HMBOX1: variants seen among roughly 807,000 people sequenced by gnomAD.
The protein encoded by HMBOX1 is homeobox containing 1, also known as homeobox-containing protein 1.
HMBOX1 carries 14 observed loss-of-function variants against 54.5 expected under a neutral mutation model. The observed-to-expected ratio is 0.26, with a 90% confidence interval of 0.17 to 0.40. The LOEUF is 0.40. Among genes scored for constraint, HMBOX1 ranks in the 10% least tolerant of loss-of-function variants. HMBOX1 has a pLI of 1.00. For missense variants in HMBOX1, 332 were observed against 514.4 expected, an observed-to-expected ratio of 0.65 and a Z score of 3.43; for synonymous variants, 160 against 181.0, an observed-to-expected ratio of 0.88 and a Z score of 0.93.
chr8:28,929,686 C>G (rs1272482528), intron 1 of HMBOX1, among the ~76,000 whole-genome samples: 3 of 152,042 alleles, frequency 2.0e-5, no homozygotes, highest in Non-Finnish European at 4.4e-5. Flanking sequence ...TCCCTTTGGA[C>G]CTGCTTGAAT....
At chr8:28,980,282 T>A in intron 4 of HMBOX1, 126 bp downstream of exon 4, 1 of 720,034 alleles carries the variant, frequency 1.4e-6, no homozygotes, top group South Asian at 1.7e-5. Context: ...TAATTATGTA[T>A]GCCTGTGATT....
At position 29,014,082 on chromosome 8, in the gene HMBOX1, A is replaced by T. The variant is rs540740056; in HGVS notation, c.698-4678A>T. 2.1e-3 allele frequency among the ~76,000 whole-genome samples: 4 copies of T among 1,906 alleles called. No individual in the cohort carries two copies. In the African/African-American group the frequency reaches 0.026, roughly 13 times the overall value. 1.3% of individuals were successfully genotyped at this position (1,906 alleles called of 152,430 possible). On this transcript the variant is annotated intron_variant, in intron 5 of 9. Transcript: ENST00000287701. ...TGGATGGCGTAGTAATGATGTGCTT[A>T]TAGTCCCCTCACCCAGAGCTAACCC... is the stretch of plus-strand genomic sequence containing the variant.
intron 6 of HMBOX1, among the ~76,000 whole-genome samples, chr8:29,040,551 TAGAG>T (rs1252607465): frequency 6.6e-6 from 1 of 152,156 alleles, no homozygotes; most frequent in Non-Finnish European, 1.5e-5. Flanking sequence ...ATTACAGAAA[TAGAG>T]AAAGAAGAAA....
At chr8:28,904,695 G>A (rs978117025) in intron 1 of HMBOX1, among the ~76,000 whole-genome samples, 1 of 112,654 alleles carries the variant, frequency 8.9e-6, no homozygotes, top group African/African-American at 3.4e-5. Context: ...TTTTTTTTTT[G>A]AGATGGAGTC....
intron 9 of HMBOX1, 25 bp downstream of exon 9, chr8:29,049,073 G>A: frequency 6.2e-7 from 1 of 1,600,738 alleles, no homozygotes; most frequent in Non-Finnish European, 8.6e-7. Flanking sequence ...AGCTGGGCGA[G>A]GTTCTTGGTG....
chr8:28,962,839 G>A (rs1408523066), intron 1 of HMBOX1, among the ~76,000 whole-genome samples: 3 of 151,932 alleles, frequency 2.0e-5, no homozygotes, highest in East Asian at 3.9e-4. Context: ...TTTGAGAGGG[G>A]TGTGTCTATA....
intron 1 of HMBOX1, among the ~76,000 whole-genome samples, chr8:28,944,940 G>T (rs1408860682): frequency 6.6e-6 from 1 of 152,070 alleles, no homozygotes; most frequent in African/African-American, 2.4e-5. Context: ...GCAGTTCTTG[G>T]CTGAGAGATA....
intron 6 of HMBOX1, among the ~76,000 whole-genome samples, chr8:29,040,900 G>C (rs2133300709): frequency 6.6e-6 from 1 of 152,160 alleles, no homozygotes; most frequent in South Asian, 2.1e-4. Context: ...CAAAAATTAT[G>C]TATACCATGA....
In HMBOX1 at chr8:28,938,058, A is replaced by C. The variant is rs75041806; in HGVS notation, c.-57-25753A>C. Among the ~76,000 whole-genome samples the C allele has an allele frequency of 6.8e-3, 1,031 of 152,296 alleles. 14 individuals carry two copies. The highest frequency in any genetic ancestry group is 0.056 in the East Asian group (288 of 5,180). On this transcript the variant is annotated intron_variant, in intron 1 of 9. Coordinates refer to ENST00000287701, the MANE Select transcript of HMBOX1 (RefSeq NM_001135726.3). ...TAACAGGCTTTTGTTTCAATTTGTC[A>C]TACTAGAGTTCTTATATGTCTGGTA...
chr8:29,005,063 TC>T (rs1211931426), intron 4 of HMBOX1, among the ~76,000 whole-genome samples: 1 of 152,234 alleles, frequency 6.6e-6, no homozygotes, highest in Non-Finnish European at 1.5e-5. Context: ...GGGAAGAAAT[TC>T]TTGTTTATTT....
At position 28,960,782 on chromosome 8, in the gene HMBOX1, T is replaced by G. The variant is rs1404813411; in HGVS notation, c.-57-3029T>G. Among the ~76,000 whole-genome samples, 290 of 62,160 alleles carry G rather than the reference T, an allele frequency of 4.7e-3. 18 individuals carry two copies. Among genetic ancestry groups the G allele is most frequent in the African/African-American group, 0.015 (264 of 17,510 alleles). The allele number at this position is 62,160 out of a possible 152,430, so 40.8% of individuals were successfully genotyped here. ...TTCTTTTTCTTTTTTTTTTTTTTTTTTTTTTTTTTTTTTTTTTTTTTTGGA... is the reference window on the plus strand; with the variant it reads ...TTCTTTTTCTTTTTTTTTTTTTTTTGTTTTTTTTTTTTTTTTTTTTTTGGA... On this transcript the variant is annotated intron_variant, in intron 1 of 9. Transcript: ENST00000287701.
intron 1 of HMBOX1, among the ~76,000 whole-genome samples, chr8:28,921,996 A>G (rs1045563964): frequency 1.3e-5 from 2 of 152,216 alleles, no homozygotes; most frequent in African/African-American, 4.8e-5. Context: ...ACAATTATGA[A>G]CTAATGTCAT....
chr8:28,993,800 T>C (rs1181307246), intron 4 of HMBOX1, among the ~76,000 whole-genome samples: 1 of 152,198 alleles, frequency 6.6e-6, no homozygotes, highest in East Asian at 1.9e-4. Flanking sequence ...AGGATTTTGT[T>C]GTTTTTGTCA....
At chr8:29,001,613 T>G (rs1240029114) in intron 4 of HMBOX1, among the ~76,000 whole-genome samples, 1 of 151,994 alleles carries the variant, frequency 6.6e-6, no homozygotes, top group East Asian at 1.9e-4. Flanking sequence ...AGGTATTGAC[T>G]GGAAAGGGAA....
intron 4 of HMBOX1, among the ~76,000 whole-genome samples, chr8:28,995,190 G>A (rs1421942950): frequency 6.6e-6 from 1 of 152,130 alleles, no homozygotes; most frequent in Non-Finnish European, 1.5e-5. Flanking sequence ...GCCCTGGTAT[G>A]TACTAATATA....
chr8:28,898,688 T>G (rs1812636782), intron 1 of HMBOX1, among the ~76,000 whole-genome samples: 1 of 152,246 alleles, frequency 6.6e-6, no homozygotes, highest in East Asian at 1.9e-4. Flanking sequence ...TTTCATAGTC[T>G]CTGCTTCTCT....
intron 2 of HMBOX1, among the ~76,000 whole-genome samples, chr8:28,965,884 T>C (rs1034221828): frequency 6.6e-6 from 1 of 152,186 alleles, no homozygotes; most frequent in Non-Finnish European, 1.5e-5. Flanking sequence ...GTTCTCTCTC[T>C]GATAAAAATA....
At chr8:28,975,876 T>C (rs1005343482) in intron 3 of HMBOX1, among the ~76,000 whole-genome samples, 1 of 152,062 alleles carries the variant, frequency 6.6e-6, no homozygotes, top group African/African-American at 2.4e-5. Flanking sequence ...AATGAAGTTT[T>C]CACACTACCA....
Position 28,963,908 on chromosome 8 carries a change from T to C in HMBOX1, c.23+18T>C, listed in dbSNP as rs1826012333. 25 of 1,587,572 alleles carry C rather than the reference T, an allele frequency of 1.6e-5. No homozygotes were observed. The highest frequency in any genetic ancestry group is 2.2e-5 in the Non-Finnish European group (25 of 1,159,858). ...CCAGTGGTGTAAGTATCAAGTCCTT[T>C]TTGATTTTTATCTTCACAATCATTT... is the stretch of plus-strand genomic sequence containing the variant. On this transcript the variant is annotated intron_variant, in intron 2 of 9. Transcript: ENST00000287701.
Sources: gnomAD v4.1 joint callset for allele counts (sites outside exome capture counted in the v4.1 genomes callset) on GRCh38, gnomAD v4.1.1 for gene constraint, MANE v1.5 for transcripts, NCBI Gene and HGNC (gene_info 2026-07-23, HGNC 2026-07-21) for gene names.